Variants in DACH1 observed in about 807,000 individuals in gnomAD.
DACH1 encodes dachshund family transcription factor 1.
A neutral mutation model predicts 54.2 loss-of-function variants in DACH1; 12 were observed. The observed-to-expected ratio is 0.22, with a 90% CI of 0.14 to 0.36. DACH1 has a LOEUF of 0.36. Ranked by LOEUF, DACH1 falls within the 10% of genes least tolerant of loss-of-function variation. The probability of loss-of-function intolerance (pLI) is 1.00; values close to 1 mark genes in which losing one functional copy is unlikely to be tolerated. For synonymous variants in DACH1, 386 were observed against 366.2 expected (o/e 1.05, Z -0.62); for missense variants, 805 against 929.8 (o/e 0.87, Z 1.75).
chr13:71,770,390 C>T (rs1007281788), intron 1 of DACH1, among the ~76,000 whole-genome samples: 1 of 151,586 alleles, frequency 6.6e-6, no homozygotes, highest in African/African-American at 2.4e-5. Flanking sequence ...TTTGTCACCT[C>T]TTTTAAAAAT....
At chr13:71,633,158 C>T (rs1410843599) in intron 2 of DACH1, among the ~76,000 whole-genome samples, 2 of 152,198 alleles carry the variant, frequency 1.3e-5, no homozygotes, top group African/African-American at 2.4e-5. Flanking sequence ...TCAGAGAGAT[C>T]CAAATCAAAT....
intron 6 of DACH1, among the ~76,000 whole-genome samples, chr13:71,539,543 G>A (rs1022155540): frequency 6.6e-6 from 1 of 151,968 alleles, no homozygotes; most frequent in South Asian, 2.1e-4. Context: ...TTACTGATAG[G>A]AACTATAATC....
chr13:71,549,023 T>C (rs904160152), intron 6 of DACH1, among the ~76,000 whole-genome samples: 4 of 152,042 alleles, frequency 2.6e-5, no homozygotes, highest in Admixed American at 2.6e-4. Flanking sequence ...TGTAGATCAC[T>C]TCCATACTAG....
chr13:71,548,157 A>G (rs1249708613), intron 6 of DACH1, among the ~76,000 whole-genome samples: 4 of 152,182 alleles, frequency 2.6e-5, no homozygotes, highest in African/African-American at 4.8e-5. Context: ...AGATATTTTG[A>G]ACAAACAAGA....
chr13:71,778,606 TA>T (rs11346555), intron 1 of DACH1, among the ~76,000 whole-genome samples: 10,395 of 151,922 alleles, frequency 0.068, 880 homozygotes, highest in African/African-American at 0.2. Flanking sequence ...TAATAGTTTA[TA>T]AAAAAAATTC....
intron 1 of DACH1, among the ~76,000 whole-genome samples, chr13:71,720,778 T>G (rs1883197431): frequency 6.6e-6 from 1 of 152,018 alleles, no homozygotes; most frequent in Non-Finnish European, 1.5e-5. Context: ...TAGCAGACAG[T>G]TATGTTCTCT....
At chr13:71,505,950 C>G (rs1447041669) in intron 6 of DACH1, among the ~76,000 whole-genome samples, 1 of 152,032 alleles carries the variant, frequency 6.6e-6, no homozygotes, top group African/African-American at 2.4e-5. Flanking sequence ...GAAAGCATTT[C>G]ACATTTGAAT....
intron 3 of DACH1, among the ~76,000 whole-genome samples, chr13:71,612,767 T>C (rs1418947570): frequency 6.6e-6 from 1 of 152,178 alleles, no homozygotes; most frequent in African/African-American, 2.4e-5. Context: ...AATGCTGACA[T>C]TGAGCAAAAT....
intron 1 of DACH1, among the ~76,000 whole-genome samples, chr13:71,830,931 T>G (rs1428163938): frequency 6.6e-6 from 1 of 151,900 alleles, no homozygotes; most frequent in Non-Finnish European, 1.5e-5. Context: ...GGACTTATCT[T>G]GAGATGTCAG....
At chr13:71,446,138 A>T (rs1210225209) in intron 10 of DACH1, among the ~76,000 whole-genome samples, 1 of 152,170 alleles carries the variant, frequency 6.6e-6, no homozygotes, top group Non-Finnish European at 1.5e-5. Context: ...TGCTGTTTAC[A>T]TCTGACAACT....
At chr13:71,696,398 C>G (rs1167454542) in intron 1 of DACH1, among the ~76,000 whole-genome samples, 3 of 152,114 alleles carry the variant, frequency 2.0e-5, no homozygotes. Flanking sequence ...GAATAAGTAA[C>G]TTGAATAAAT....
chr13:71,549,799 G>T (rs1335587921), intron 6 of DACH1, among the ~76,000 whole-genome samples: 1 of 152,060 alleles, frequency 6.6e-6, no homozygotes, highest in Non-Finnish European at 1.5e-5. Flanking sequence ...AATCTTGTTT[G>T]ATTTCTAACC....
chr13:71,858,919 ATC>A (rs916320691), intron 1 of DACH1, among the ~76,000 whole-genome samples: 8 of 146,112 alleles, frequency 5.5e-5, no homozygotes, highest in African/African-American at 1.8e-4. Context: ...CTCTCTCTGT[ATC>A]TCTCTCTCTG....
At chr13:71,663,095 CTATT>C (rs1181781253) in intron 2 of DACH1, among the ~76,000 whole-genome samples, 3 of 150,576 alleles carry the variant, frequency 2.0e-5, no homozygotes, top group South Asian at 2.1e-4. Flanking sequence ...AGAAGATACT[CTATT>C]TAATGACTAT....
intron 2 of DACH1, among the ~76,000 whole-genome samples, chr13:71,657,027 T>C (rs889499540): frequency 4.8e-5 from 7 of 146,236 alleles, no homozygotes; most frequent in Admixed American, 6.8e-5. Context: ...CACACACACA[T>C]ATATATACAT....
intron 1 of DACH1, among the ~76,000 whole-genome samples, chr13:71,682,824 C>A (rs1207837964): frequency 6.6e-6 from 1 of 152,040 alleles, no homozygotes; most frequent in Non-Finnish European, 1.5e-5. Context: ...CAGCTATTGG[C>A]AATCATTAAT....
At chr13:71,862,998 C>T (rs1163593184) in intron 1 of DACH1, among the ~76,000 whole-genome samples, 2 of 152,030 alleles carry the variant, frequency 1.3e-5, no homozygotes, top group Non-Finnish European at 2.9e-5. Context: ...ACATAAATTA[C>T]TCCCTTAGCC....
chr13:71,808,604 T>C (rs1887598537), intron 1 of DACH1, among the ~76,000 whole-genome samples: 1 of 152,320 alleles, frequency 6.6e-6, no homozygotes, highest in South Asian at 2.1e-4. Flanking sequence ...ATGTTCCCTA[T>C]TCTGTTCAAG....
chr13:71,569,145 C>A (rs1287706759), intron 4 of DACH1, among the ~76,000 whole-genome samples: 2 of 152,040 alleles, frequency 1.3e-5, no homozygotes, highest in African/African-American at 4.8e-5. Context: ...GCATTTAATT[C>A]TTTCAACCCT....
Sources: allele counts gnomAD v4.1 joint callset (sites outside exome capture counted in the v4.1 genomes callset), GRCh38; gene constraint gnomAD v4.1.1; transcripts MANE v1.5; gene names NCBI Gene and HGNC (gene_info 2026-07-23, HGNC 2026-07-21).